The following PCDHGB1 variants were observed in gnomAD, a reference collection of about 807,000 sequenced individuals.
PCDHGB1 encodes protocadherin gamma-B1.
A neutral mutation model predicts 56.6 loss-of-function variants in PCDHGB1; 34 were observed. The observed-to-expected ratio is 0.60, with a 90% CI of 0.46 to 0.80. The LOEUF (loss-of-function observed/expected upper bound fraction) is 0.80. Among genes scored for constraint, PCDHGB1 ranks in the 30% least tolerant of loss-of-function variants. The pLI is 0.00. For synonymous variants in PCDHGB1, 561 were observed against 505.9 expected (o/e 1.11, Z -1.46); for missense variants, 1,278 against 1,204.6 (o/e 1.06, Z -0.90).
chr5:141,489,830 A>G lies in PCDHGB1; in HGVS notation c.2410-4977A>G, dbSNP rs760376311. On this transcript the variant is annotated intron_variant, in intron 1 of 3. Coordinates refer to ENST00000523390, the MANE Select transcript of PCDHGB1 (RefSeq NM_018922.3). The surrounding 1 kb of genome is among the most constrained non-coding windows in gnomAD (Gnocchi z 4.5). ...AAGCCATTCCCAGAGCTGGTGCTAG[A>G]GCAGCAGCTGGATCGTGAAGCCCAG... 1.9e-6 allele frequency: 3 copies of G among 1,614,200 alleles called. No individual in the cohort carries two copies. Among genetic ancestry groups the G allele is most frequent in the East Asian group, 2.2e-5 (1 of 44,878 alleles).
chr5:141,369,438 G>A (rs1766245729), intron 1 of PCDHGB1, among the ~76,000 whole-genome samples: 3 of 152,098 alleles, frequency 2.0e-5, no homozygotes, highest in African/African-American at 7.2e-5. Flanking sequence ...ACGCTGAGGT[G>A]GGAGGATTGC....
chr5:141,432,173 GTC>G lies in PCDHGB1; in HGVS notation c.2410-62630_2410-62629del. 6.2e-7 allele frequency: 1 copy of G among 1,614,054 alleles called. No individual in the cohort carries two copies. Among genetic ancestry groups the G allele is most frequent in the Non-Finnish European group, 8.5e-7 (1 of 1,180,018 alleles). Reference sequence around the variant, plus strand: ...GAACAATCCCAGAGGAGTTTCCCTCGTCTCTGTGACCGCCCACGACCCCGACT... The same window carrying G: ...GAACAATCCCAGAGGAGTTTCCCTCGTCTGTGACCGCCCACGACCCCGACT... On this transcript the variant is annotated intron_variant, in intron 1 of 3. Coordinates refer to ENST00000523390, the MANE Select transcript of PCDHGB1 (RefSeq NM_018922.3). This position sits in a 1 kb window ranked among gnomAD's most constrained non-coding sequence, Gnocchi z 6.0.
chr5:141,412,902 T>G, intron 1 of PCDHGB1: 1 of 371,284 alleles, frequency 2.7e-6, no homozygotes, highest in East Asian at 4.2e-5. Flanking sequence ...TACTTTCCAT[T>G]GCATGTATCA....
At chr5:141,438,290 A>G (rs1043285243) in intron 1 of PCDHGB1, among the ~76,000 whole-genome samples, 5 of 152,074 alleles carry the variant, frequency 3.3e-5, no homozygotes, top group East Asian at 3.9e-4. Flanking sequence ...TTTAATCTGT[A>G]TGTAAAAGAA....
intron 1 of PCDHGB1, among the ~76,000 whole-genome samples, chr5:141,456,276 C>T (rs1319517390): frequency 1.3e-5 from 2 of 152,146 alleles, no homozygotes; most frequent in South Asian, 4.1e-4. Flanking sequence ...CTACTTCCTG[C>T]TGAAAAGGGG....
At chr5:141,360,101 C>G in intron 1 of PCDHGB1, 1 of 1,533,062 alleles carries the variant, frequency 6.5e-7, no homozygotes, top group East Asian at 2.4e-5. Context: ...AAGGCTTATT[C>G]CTCCTATGGG....
intron 1 of PCDHGB1, chr5:141,384,782 C>G (rs746906389): frequency 6.2e-7 from 1 of 1,613,642 alleles, no homozygotes; most frequent in Non-Finnish European, 8.5e-7. Flanking sequence ...GAGGTGCGCA[C>G]GGCTCGGGCC....
At chr5:141,433,235 C>T (rs1307904588) in intron 1 of PCDHGB1, 13 of 1,509,616 alleles carry the variant, frequency 8.6e-6, no homozygotes, top group Non-Finnish European at 1.1e-5. Context: ...GCTCTGTCTC[C>T]CAAGCTGGAA....
chr5:141,360,810 G>C, intron 1 of PCDHGB1: 3 of 1,613,878 alleles, frequency 1.9e-6, no homozygotes, highest in Non-Finnish European at 2.5e-6. Context: ...AAAGTGGCAC[G>C]ACCCAAATCC....
chr5:141,507,619 G>T (rs1237918589), intron 3 of PCDHGB1, among the ~76,000 whole-genome samples: 22 of 152,256 alleles, frequency 1.4e-4, no homozygotes, highest in Admixed American at 1.4e-3. Context: ...ATATTTAGCT[G>T]TTGTGGCCTT....
chr5:141,455,961 G>C (rs1447678052), intron 1 of PCDHGB1, among the ~76,000 whole-genome samples: 1 of 150,954 alleles, frequency 6.6e-6, no homozygotes, highest in African/African-American at 2.4e-5. Context: ...GCAGTGGCGC[G>C]ATCTCAGCTC....
chr5:141,419,479 C>A, intron 1 of PCDHGB1: 2 of 1,612,390 alleles, frequency 1.2e-6, no homozygotes, highest in Non-Finnish European at 1.7e-6. Flanking sequence ...AGGGCTCGCC[C>A]GCGCTCAGCG....
rs370015318 is a variant in PCDHGB1 at position 141,371,900 on chromosome 5, G to A, written c.2409+19231G>A. 5 of 1,613,260 alleles carry A rather than the reference G, an allele frequency of 3.1e-6. No homozygotes were observed. In the African/African-American group the frequency reaches 5.3e-5, roughly 17 times the overall value. On this transcript the variant is annotated intron_variant, in intron 1 of 3. Transcript: ENST00000523390. ...GTGACCTGGAGCCGCGGGAGCTGTC[G>A]TCCTACGTGTCCGTGAGCGCGCGGA...
intron 1 of PCDHGB1, among the ~76,000 whole-genome samples, chr5:141,369,284 A>ACT (rs1230564029): frequency 6.6e-6 from 1 of 152,194 alleles, no homozygotes; most frequent in Non-Finnish European, 1.5e-5. Flanking sequence ...TCACTCCCCA[A>ACT]TCCTAATAAC....
rs898536568 is a variant in PCDHGB1 at position 141,478,080 on chromosome 5, C to T, written c.2410-16727C>T. The T allele has an allele frequency of 1.9e-6, 3 of 1,614,012 alleles. No homozygotes were observed. The Admixed American group carries it at 5.0e-5, about 27-fold the overall frequency. The stretch of plus-strand genomic sequence containing the variant: ...TTGATCAAAGACAATGGGGAGCCTT[C>T]GCTCTCCACCACTGCTACCCTCACT... On this transcript the variant is annotated intron_variant, in intron 1 of 3. Coordinates refer to ENST00000523390, the MANE Select transcript of PCDHGB1 (RefSeq NM_018922.3).
At chr5:141,393,730 G>A in intron 1 of PCDHGB1, 1 of 1,613,842 alleles carries the variant, frequency 6.2e-7, no homozygotes, top group Non-Finnish European at 8.5e-7. Context: ...ATAGCAAAAA[G>A]TCTAGATTAT....
intron 1 of PCDHGB1, chr5:141,383,176 G>A: frequency 6.2e-7 from 1 of 1,614,122 alleles, no homozygotes; most frequent in Non-Finnish European, 8.5e-7. Flanking sequence ...GATAGACCGG[G>A]AAGAGATCTG....
rs1211398299 is a variant in PCDHGB1 at position 141,420,143 on chromosome 5, A to G, written c.2409+67474A>G. The G allele has an allele frequency of 1.2e-6, 2 of 1,614,052 alleles. No homozygotes were observed. The highest frequency in any genetic ancestry group is 2.2e-5 in the East Asian group (1 of 44,888). On this transcript the variant is annotated intron_variant, in intron 1 of 3. Transcript: ENST00000523390. The stretch of plus-strand genomic sequence containing the variant: ...TTTTTGTGTGCCTGGGGATCAAATG[A>G]ATCCAGAATTTAATTTTTTCACATC...
intron 1 of PCDHGB1, among the ~76,000 whole-genome samples, chr5:141,457,067 G>A (rs946526462): frequency 1.3e-5 from 2 of 152,166 alleles, no homozygotes; most frequent in Non-Finnish European, 2.9e-5. Flanking sequence ...CTTTTTGCCA[G>A]TAACTATTAT....
Sources: gnomAD v4.1 joint callset for allele counts (sites outside exome capture counted in the v4.1 genomes callset) on GRCh38, gnomAD v4.1.1 for gene constraint, Gnocchi (gnomAD v3.1) non-coding constraint, MANE v1.5 for transcripts, NCBI Gene and HGNC (gene_info 2026-07-23, HGNC 2026-07-21) for gene names.